Variants in MIA2 observed in about 807,000 individuals in gnomAD.
The protein encoded by MIA2 is MIA SH3 domain ER export factor 2, also known as melanoma inhibitory activity protein 2.
Under a neutral mutation model 167.8 loss-of-function variants are expected in MIA2, and 127 were observed. That is an observed-to-expected ratio of 0.76 (90% CI 0.66 to 0.88). The LOEUF (loss-of-function observed/expected upper bound fraction) is 0.88, where lower values mean the gene tolerates loss of function less well. MIA2 is among the 40% of genes least tolerant of loss of function. MIA2 has a pLI of 0.00. For synonymous variants in MIA2, 552 were observed against 541.9 expected, an observed-to-expected ratio of 1.02 and a Z score of -0.26; for missense variants, 1,690 against 1,624.7, an observed-to-expected ratio of 1.04 and a Z score of -0.69.
intron 6 of MIA2, chr14:39,267,005 G>C (rs1012227345): frequency 1.1e-6 from 1 of 904,126 alleles, no homozygotes; most frequent in Non-Finnish European, 1.3e-6. Flanking sequence ...CTAGTCCCAA[G>C]CCTCTCCACT....
intron 23 of MIA2, among the ~76,000 whole-genome samples, chr14:39,371,166 T>TAA (rs1244520370): frequency 6.6e-6 from 1 of 152,228 alleles, no homozygotes. Flanking sequence ...GGTGAGCACT[T>TAA]ACGCTGTTTT....
intron 4 of MIA2, among the ~76,000 whole-genome samples, chr14:39,249,116 A>C (rs2054443553): frequency 6.6e-6 from 1 of 152,028 alleles, no homozygotes; most frequent in Non-Finnish European, 1.5e-5. Flanking sequence ...TGTTTTTCCT[A>C]AGAAGAACTA....
At chr14:39,348,699 C>T in intron 27 of MIA2, 44 bp from the exon 28 acceptor site, 1 of 1,607,754 alleles carries the variant, frequency 6.2e-7, no homozygotes, top group East Asian at 2.2e-5. Flanking sequence ...AAAATGATTG[C>T]AAATTTACTG....
At chr14:39,286,984 C>A (rs891395109) in intron 9 of MIA2, among the ~76,000 whole-genome samples, 1 of 152,096 alleles carries the variant, frequency 6.6e-6, no homozygotes, top group South Asian at 2.1e-4. Flanking sequence ...CCTTGGCCTC[C>A]CAAAGTGCTG....
intron 23 of MIA2, among the ~76,000 whole-genome samples, chr14:39,320,363 T>C (rs1304250474): frequency 6.6e-6 from 1 of 152,194 alleles, no homozygotes; most frequent in Non-Finnish European, 1.5e-5. Context: ...AGTGATTTAG[T>C]TGATAAATTA....
Position 39,293,324 on chromosome 14 carries a change from C to G in MIA2, c.2262C>G (p.Leu754=). 1 of 1,612,684 alleles carries G rather than the reference C, an allele frequency of 6.2e-7. No individual in the cohort carries two copies. The highest frequency in any genetic ancestry group is 8.5e-7 in the Non-Finnish European group (1 of 1,179,276). Residue 754 remains leucine (L), a synonymous_variant, in exon 11 of 29, where the codon CTC becomes CTG. Transcript: ENST00000640607. Reference sequence around the variant, plus strand: ...ATTCTGAACTTGAGGATGAAATACTCTGTCTAGAAAAAGAGTTAAAAGAAG... The same window carrying G: ...ATTCTGAACTTGAGGATGAAATACTGTGTCTAGAAAAAGAGTTAAAAGAAG... ...RSNSELEDEI[L]CLEKELKEEK...
Position 39,319,255 on chromosome 14 carries a change from T to A in MIA2, c.3331T>A (p.Tyr1111Asn). 6.4e-7 allele frequency: 1 copy of A among 1,569,750 alleles called. No homozygotes were observed. The highest frequency in any genetic ancestry group is 8.7e-7 in the Non-Finnish European group (1 of 1,156,060). Residue 1111 changes from tyrosine (Y) to asparagine (N), a missense_variant, in exon 23 of 29, where the codon TAT (tyrosine) becomes AAT (asparagine). Coordinates refer to ENST00000640607, the MANE Select transcript of MIA2 (RefSeq NM_001329214.4). ...LKFELLEKDP[Y>N]ALDVPNTAFG... is the part of the protein sequence containing the mutation. ...ATTTGAACTTTTAGAAAAAGATCCT[T>A]ATGCACTCGATGTTCCAAATACAGC...
intron 23 of MIA2, among the ~76,000 whole-genome samples, chr14:39,371,521 T>C (rs557538705): frequency 3.9e-5 from 6 of 152,340 alleles, no homozygotes; most frequent in East Asian, 3.9e-4. Flanking sequence ...TCCAGTGTTA[T>C]AATCATGACA....
At chr14:39,301,019 C>CATATAT (rs1307876355) in intron 14 of MIA2, among the ~76,000 whole-genome samples, 58 of 141,444 alleles carry the variant, frequency 4.1e-4, no homozygotes, top group African/African-American at 1.4e-3. Context: ...CACATATATA[C>CATATAT]ACACATATAT....
At chr14:39,344,824 A>G (rs1267968875) in intron 25 of MIA2, among the ~76,000 whole-genome samples, 4 of 152,172 alleles carry the variant, frequency 2.6e-5, no homozygotes, top group African/African-American at 7.2e-5. Context: ...AGAATGAGAA[A>G]CTACCTATAC....
At chr14:39,288,877 G>A (rs1570132) in intron 9 of MIA2, among the ~76,000 whole-genome samples, 83,356 of 151,876 alleles carry the variant, frequency 0.55, 24,623 homozygotes, top group South Asian at 0.67. Flanking sequence ...TAGGATTTTT[G>A]CATCAGTGTT....
intron 6 of MIA2, among the ~76,000 whole-genome samples, chr14:39,260,111 A>T (rs1028760896): frequency 1.3e-5 from 2 of 152,250 alleles, no homozygotes; most frequent in East Asian, 3.9e-4. Context: ...TCTGTCATTG[A>T]TGGACATTTG....
At chr14:39,342,758 A>G (rs534451958) in intron 25 of MIA2, among the ~76,000 whole-genome samples, 19 of 152,342 alleles carry the variant, frequency 1.2e-4, no homozygotes, top group African/African-American at 4.3e-4. Context: ...ATTGAACACT[A>G]TTGCATTTCC....
chr14:39,277,850 A>G (rs1216826104), intron 7 of MIA2, among the ~76,000 whole-genome samples: 1 of 144,644 alleles, frequency 6.9e-6, no homozygotes, highest in Non-Finnish European at 1.5e-5. Flanking sequence ...CACAGATGCA[A>G]TTATAGTGCG....
At chr14:39,340,954 C>T (rs939764405) in intron 25 of MIA2, among the ~76,000 whole-genome samples, 7 of 152,064 alleles carry the variant, frequency 4.6e-5, no homozygotes, top group African/African-American at 1.7e-4. Flanking sequence ...AAAAATTTCA[C>T]TTTGAATGAA....
intron 22 of MIA2, among the ~76,000 whole-genome samples, chr14:39,318,819 C>G (rs1247044062): frequency 3.9e-5 from 6 of 152,050 alleles, no homozygotes; most frequent in Admixed American, 3.9e-4. Context: ...TGTCTTAATC[C>G]AGGCACTTTC....
At chr14:39,270,916 C>G (rs2057027088) in intron 6 of MIA2, among the ~76,000 whole-genome samples, 1 of 152,094 alleles carries the variant, frequency 6.6e-6, no homozygotes, top group Non-Finnish European at 1.5e-5. Context: ...TGTGCATTTT[C>G]TTTTCACCTT....
At chr14:39,288,464 T>TGTTTTG (rs1566748196) in intron 9 of MIA2, among the ~76,000 whole-genome samples, 1 of 30,404 alleles carries the variant, frequency 3.3e-5, no homozygotes, top group African/African-American at 1.4e-4. Flanking sequence ...TATATATATA[T>TGTTTTG]ATATATATAT....
chr14:39,285,540 C>T lies in MIA2; in HGVS notation c.2131-5479C>T, dbSNP rs567983913. On this transcript the variant is annotated intron_variant, in intron 9 of 28. Transcript: ENST00000640607. ...GGGGGCTGACCCCCCACCTCCCTCC[C>T]GGACGGGATGGCTGGCCGGGCGGGG... 6.1e-5 allele frequency among the ~76,000 whole-genome samples: 9 copies of T among 146,828 alleles called. No homozygotes were observed. The South Asian group carries it at 1.1e-3, about 18-fold the overall frequency.
Sources: allele counts gnomAD v4.1 joint callset (sites outside exome capture counted in the v4.1 genomes callset), GRCh38; gene constraint gnomAD v4.1.1; transcripts MANE v1.5; gene names NCBI Gene and HGNC (gene_info 2026-07-23, HGNC 2026-07-21).